CAMK1D: variants seen among roughly 807,000 people sequenced by gnomAD.
CAMK1D encodes calcium/calmodulin-dependent protein kinase type 1D.
In CAMK1D, 9 loss-of-function variants were observed where a neutral mutation model predicts 47.7. That is an observed-to-expected ratio of 0.19 (90% confidence interval 0.11 to 0.33). CAMK1D has a LOEUF of 0.33. Among genes scored for constraint, CAMK1D ranks in the 10% least tolerant of loss-of-function variants. The probability of loss-of-function intolerance (pLI) is 1.00; values close to 1 mark genes in which losing one functional copy is unlikely to be tolerated. For synonymous variants in CAMK1D, 184 were observed against 184.9 expected (o/e 0.99, Z 0.04); for missense variants, 291 against 488.7 (o/e 0.60, Z 3.81).
chr10:12,777,852 C>A (rs114528754), intron 5 of CAMK1D, among the ~76,000 whole-genome samples: 1 of 152,216 alleles, frequency 6.6e-6, no homozygotes, highest in East Asian at 1.9e-4. Context: ...CCATTTTGAA[C>A]CTTGAGCAAA....
At chr10:12,754,371 A>G (rs987540079) in intron 3 of CAMK1D, among the ~76,000 whole-genome samples, 1 of 152,214 alleles carries the variant, frequency 6.6e-6, no homozygotes, top group African/African-American at 2.4e-5. Context: ...TGGACTACAC[A>G]CCAGATGGAA....
intron 10 of CAMK1D, among the ~76,000 whole-genome samples, chr10:12,828,313 C>T (rs553524071): frequency 2.0e-5 from 3 of 152,270 alleles, no homozygotes; most frequent in South Asian, 2.1e-4. Context: ...GGCTTTCCCA[C>T]AGGTAGGTAA....
intron 2 of CAMK1D, among the ~76,000 whole-genome samples, chr10:12,616,860 C>T (rs1288901910): frequency 2.0e-5 from 3 of 152,084 alleles, no homozygotes; most frequent in East Asian, 1.9e-4. Flanking sequence ...GGAGGCAGGG[C>T]GGGAACCGAG....
chr10:12,397,422 C>T (rs1012615870), intron 1 of CAMK1D, among the ~76,000 whole-genome samples: 6 of 152,184 alleles, frequency 3.9e-5, no homozygotes, highest in African/African-American at 1.4e-4. Flanking sequence ...TCTCTTCCCC[C>T]ACACGGCTTT....
Position 12,828,785 on chromosome 10 carries a change from G to C in CAMK1D, c.1056G>C (p.Thr352=). ...TCCCTGCAGGTCTGGCACCTTCCAC[G>C]CTCTGTAGTTTCATTTCTTCTTCGT... ...ASQKDCLAPS[T]LCSFISSSSG... The change falls in exon 11 of 11, where the codon ACG becomes ACC. Residue 352 remains threonine (T), a synonymous_variant. Transcript: ENST00000619168. 1 of 1,612,988 alleles carries C rather than the reference G, an allele frequency of 6.2e-7. No homozygotes were observed. The highest frequency in any genetic ancestry group is 8.5e-7 in the Non-Finnish European group (1 of 1,179,336).
At chr10:12,819,004 A>G (rs1252666168) in intron 8 of CAMK1D, among the ~76,000 whole-genome samples, 1 of 152,228 alleles carries the variant, frequency 6.6e-6, no homozygotes, top group African/African-American at 2.4e-5. Flanking sequence ...TTTATCTTAT[A>G]AAGAATAAAA....
chr10:12,518,337 C>T (rs551569498), intron 1 of CAMK1D, among the ~76,000 whole-genome samples: 12 of 152,338 alleles, frequency 7.9e-5, no homozygotes, highest in African/African-American at 2.6e-4. Context: ...TAAATATTTG[C>T]TGCTTGCCCA....
chr10:12,820,220 A>G (rs978667456), intron 8 of CAMK1D, among the ~76,000 whole-genome samples: 1 of 152,120 alleles, frequency 6.6e-6, no homozygotes, highest in African/African-American at 2.4e-5. Flanking sequence ...TTGTATTTTT[A>G]GTAGAGATGG....
chr10:12,620,186 C>CAA lies in CAMK1D; in HGVS notation c.225-46519_225-46518dup, dbSNP rs56027797. Reference sequence around the variant, plus strand: ...TGGGCGACAGAGCGAGACTCCGTCTCAAAAAAAAAAAAAAAAAAAAAAAAA... The same window carrying CAA: ...TGGGCGACAGAGCGAGACTCCGTCTCAAAAAAAAAAAAAAAAAAAAAAAAAAA... On this transcript the variant is annotated intron_variant, in intron 2 of 10. Transcript: ENST00000619168. 5.2e-3 allele frequency among the ~76,000 whole-genome samples: 453 copies of CAA among 86,566 alleles called. 30 individuals carry two copies. The highest frequency in any genetic ancestry group is 0.016 in the African/African-American group (313 of 19,774). The allele number at this position is 86,566 out of a possible 152,430, so 56.8% of individuals were successfully genotyped here.
At chr10:12,369,038 A>G (rs753536430) in intron 1 of CAMK1D, among the ~76,000 whole-genome samples, 3 of 152,070 alleles carry the variant, frequency 2.0e-5, no homozygotes, top group Non-Finnish European at 2.9e-5. Flanking sequence ...AATGATCTCA[A>G]TCTCCTGACC....
intron 1 of CAMK1D, among the ~76,000 whole-genome samples, chr10:12,365,061 A>G (rs973527864): frequency 1.3e-5 from 2 of 151,298 alleles, no homozygotes; most frequent in Non-Finnish European, 2.9e-5. Context: ...GGTTCAAGCG[A>G]TTCTCCTGCC....
chr10:12,515,575 G>C (rs7909637), intron 1 of CAMK1D, among the ~76,000 whole-genome samples: 35,084 of 61,626 alleles, frequency 0.57, 8,096 homozygotes, highest in South Asian at 0.63. Flanking sequence ...CCCCTCCCCC[G>C]ACCCCACCAC....
intron 1 of CAMK1D, among the ~76,000 whole-genome samples, chr10:12,491,781 G>T (rs1033998432): frequency 1.3e-5 from 2 of 151,912 alleles, no homozygotes; most frequent in African/African-American, 2.4e-5. Context: ...TCTGTTTAAT[G>T]AATTTCTTTT....
intron 3 of CAMK1D, among the ~76,000 whole-genome samples, chr10:12,716,689 A>C (rs1283841852): frequency 6.6e-6 from 1 of 152,070 alleles, no homozygotes; most frequent in Non-Finnish European, 1.5e-5. Flanking sequence ...ATTCAACTAA[A>C]TTAACAGTAT....
chr10:12,681,923 G>GT (rs1244627988), intron 3 of CAMK1D, among the ~76,000 whole-genome samples: 1 of 152,214 alleles, frequency 6.6e-6, no homozygotes, highest in Non-Finnish European at 1.5e-5. Context: ...CTTAAATGAT[G>GT]TATAAGAGTT....
intron 3 of CAMK1D, among the ~76,000 whole-genome samples, chr10:12,734,643 C>A (rs1022969716): frequency 6.6e-6 from 1 of 151,272 alleles, no homozygotes; most frequent in Non-Finnish European, 1.5e-5. Flanking sequence ...AGAAAAATCC[C>A]AGAGCTGTGT....
intron 2 of CAMK1D, among the ~76,000 whole-genome samples, chr10:12,652,070 G>A (rs1428945529): frequency 2.0e-5 from 3 of 151,838 alleles, no homozygotes; most frequent in African/African-American, 4.8e-5. Context: ...TGACCACCGC[G>A]CCCGGCCGGA....
At chr10:12,690,921 C>T (rs907603142) in intron 3 of CAMK1D, among the ~76,000 whole-genome samples, 6 of 152,166 alleles carry the variant, frequency 3.9e-5, no homozygotes, top group South Asian at 2.1e-4. Flanking sequence ...ACCAACCCCT[C>T]ACCCTGTTAT....
At chr10:12,614,713 A>G (rs1261048268) in intron 2 of CAMK1D, among the ~76,000 whole-genome samples, 1 of 151,852 alleles carries the variant, frequency 6.6e-6, no homozygotes, top group Non-Finnish European at 1.5e-5. Flanking sequence ...CACCCCACCT[A>G]CTCCAGGATA....
Sources: gnomAD v4.1 joint callset for allele counts (sites outside exome capture counted in the v4.1 genomes callset) on GRCh38, gnomAD v4.1.1 for gene constraint, MANE v1.5 for transcripts, NCBI Gene and HGNC (gene_info 2026-07-23, HGNC 2026-07-21) for gene names.